Variants in CD99 observed in about 807,000 individuals in gnomAD.
CD99 encodes CD99 molecule (Xg blood group).
A neutral mutation model predicts 28.4 loss-of-function variants in CD99; 19 were observed. The ratio of observed to expected loss-of-function variants is 0.67; its 90% CI spans 0.47 to 0.98. The LOEUF is 0.98. CD99 is among the 50% of genes least tolerant of loss of function. The pLI is 0.00. For synonymous variants in CD99, 103 were observed against 92.1 expected (o/e 1.12, Z -0.67); for missense variants, 283 against 248.8 (o/e 1.14, Z -0.92).
chrX:2,720,431 G>C lies in CD99; in HGVS notation c.262+7G>C. 6.2e-7 allele frequency: 1 copy of C among 1,613,082 alleles called. No individual in the cohort carries two copies. Among genetic ancestry groups the C allele is most frequent in the African/African-American group, 1.3e-5 (1 of 74,962 alleles). Reference sequence around the variant, plus strand: ...AACCACCCTAGTTCCTCCGGTAAGAGTCTCTGACCCTGTGGGATGTCTTCA... The same window carrying C: ...AACCACCCTAGTTCCTCCGGTAAGACTCTCTGACCCTGTGGGATGTCTTCA... On this transcript the variant is annotated splice_region_variant and intron_variant, in intron 5 of 9. Coordinates refer to ENST00000381192, the MANE Select transcript of CD99 (RefSeq NM_002414.5).
intron 8 of CD99, among the ~76,000 whole-genome samples, chrX:2,729,115 C>T (rs1279313540): frequency 3.9e-5 from 6 of 152,108 alleles, no homozygotes; most frequent in South Asian, 4.1e-4. Flanking sequence ...GGATTATAGG[C>T]GTGAGTCAAA....
intron 5 of CD99, among the ~76,000 whole-genome samples, chrX:2,722,044 T>C (rs1569442384): frequency 2.0e-5 from 3 of 152,246 alleles, no homozygotes; most frequent in East Asian, 3.9e-4. Context: ...CCATCTCCAA[T>C]ATTAGTTATC....
chrX:2,711,902 A>G (rs1472274703), intron 1 of CD99, among the ~76,000 whole-genome samples: 1 of 152,010 alleles, frequency 6.6e-6, no homozygotes, highest in African/African-American at 2.4e-5. Context: ...TTAGCTGGGC[A>G]TGATGGGCGG....
chrX:2,713,864 C>G (rs1214626244), intron 1 of CD99, among the ~76,000 whole-genome samples: 1 of 152,174 alleles, frequency 6.6e-6, no homozygotes, highest in East Asian at 1.9e-4. Context: ...AGATGGCCAG[C>G]CACGTTGAAG....
chrX:2,707,355 A>T (rs1438739259), intron 1 of CD99, among the ~76,000 whole-genome samples: 1 of 152,014 alleles, frequency 6.6e-6, no homozygotes, highest in East Asian at 1.9e-4. Context: ...AAAAGAAAAA[A>T]ACAGCAAAAA....
intron 5 of CD99, among the ~76,000 whole-genome samples, chrX:2,722,285 A>G (rs186099732): frequency 6.6e-6 from 1 of 152,272 alleles, no homozygotes; most frequent in African/African-American, 2.4e-5. Flanking sequence ...AGCATGCAAT[A>G]TTATGCTCAC....
At chrX:2,728,207 T>C (rs1265510080) in intron 8 of CD99, among the ~76,000 whole-genome samples, 27 of 143,984 alleles carry the variant, frequency 1.9e-4, no homozygotes, top group Admixed American at 7.6e-4. Flanking sequence ...TTTCTTTTTT[T>C]TTTTTTTTTT....
intron 8 of CD99, among the ~76,000 whole-genome samples, chrX:2,729,862 A>T (rs1215672630): frequency 6.6e-6 from 1 of 152,166 alleles, no homozygotes; most frequent in Non-Finnish European, 1.5e-5. Context: ...CAAGAACAAA[A>T]GCAAATATGT....
chrX:2,726,393 T>G lies in CD99; in HGVS notation c.475+20T>G, dbSNP rs761669438. On this transcript the variant is annotated intron_variant, in intron 8 of 9. Coordinates refer to ENST00000381192, the MANE Select transcript of CD99 (RefSeq NM_002414.5). The stretch of plus-strand genomic sequence containing the variant: ...AAAATGGTAAGTCTCAGTCCGCCGG[T>G]GCCTCTCCTTCATGCCTTGCTGATT... 3.5e-6 allele frequency: 5 copies of G among 1,436,508 alleles called. No homozygotes were observed. In the Admixed American group the frequency reaches 8.4e-5, roughly 24 times the overall value. The allele number at this position is 1,436,508 out of a possible 1,614,324, so 89.0% of individuals were successfully genotyped here.
chrX:2,713,764 C>T (rs1311726569), intron 1 of CD99, among the ~76,000 whole-genome samples: 3 of 152,124 alleles, frequency 2.0e-5, no homozygotes, highest in Admixed American at 6.6e-5. Flanking sequence ...TGGATGTTGA[C>T]GATTATCCTA....
intron 1 of CD99, among the ~76,000 whole-genome samples, chrX:2,696,393 C>CTTTCT (rs202118683): frequency 2.6e-4 from 40 of 152,018 alleles, no homozygotes; most frequent in African/African-American, 9.7e-4. Context: ...TGCTGATATT[C>CTTTCT]TTTCTTTTCT....
chrX:2,728,353 G>T (rs774071955), intron 8 of CD99, among the ~76,000 whole-genome samples: 1 of 151,780 alleles, frequency 6.6e-6, no homozygotes, highest in South Asian at 2.1e-4. Flanking sequence ...GCACCACCAC[G>T]CACAGCTAAT....
At chrX:2,729,924 A>G in intron 8 of CD99, among the ~76,000 whole-genome samples, 1 of 152,240 alleles carries the variant, frequency 6.6e-6, no homozygotes, top group South Asian at 2.1e-4. Flanking sequence ...AGTCCAAGGA[A>G]AGAGGATTGC....
At chrX:2,700,872 TC>T (rs1569426896) in intron 1 of CD99, among the ~76,000 whole-genome samples, 1 of 151,440 alleles carries the variant, frequency 6.6e-6, no homozygotes, top group Non-Finnish European at 1.5e-5. Context: ...CATTCATCTA[TC>T]CATCCATCCA....
chrX:2,731,757 C>T (rs2049620404), intron 8 of CD99, among the ~76,000 whole-genome samples: 1 of 152,042 alleles, frequency 6.6e-6, no homozygotes, highest in Non-Finnish European at 1.5e-5. Context: ...GAGTCTTCGG[C>T]ATCTTTCCAA....
chrX:2,730,945 A>G (rs1569448058), intron 8 of CD99, among the ~76,000 whole-genome samples: 3 of 151,622 alleles, frequency 2.0e-5, no homozygotes, highest in Non-Finnish European at 4.4e-5. Flanking sequence ...AAAAAAAAAA[A>G]AAAGAGAAAG....
rs2048792683 is a variant in CD99 at position 2,717,625 on chromosome X, A to T, written c.121A>T (p.Thr41Ser). 6.2e-7 allele frequency: 1 copy of T among 1,613,650 alleles called. No homozygotes were observed. ...ALPDNENKKP[T>S]AIPKKPSAGD... is the part of the protein sequence containing the mutation. ...TTTAGACAATGAAAACAAGAAACCC[A>T]CTGCAATCCCCAAGAAACCCAGTGC... The change falls in exon 3 of 10, where the codon ACT (threonine) becomes TCT (serine). Residue 41 changes from threonine to serine, a missense_variant. Thr to Ser is a moderately conservative substitution (Grantham distance 58). Transcript: ENST00000381192.
At chrX:2,733,246 C>G in intron 8 of CD99, 1 of 1,193,108 alleles carries the variant, frequency 8.4e-7, no homozygotes, top group East Asian at 2.5e-5. Flanking sequence ...CAGAGCAGCT[C>G]TTTCTAACAC....
intron 1 of CD99, among the ~76,000 whole-genome samples, chrX:2,713,135 C>T (rs1603274444): frequency 1.6e-5 from 1 of 62,704 alleles, no homozygotes; most frequent in Non-Finnish European, 2.8e-5. Flanking sequence ...TACACATACA[C>T]ACACAAACCC....
Sources: gnomAD v4.1 joint callset for allele counts (sites outside exome capture counted in the v4.1 genomes callset) on GRCh38, gnomAD v4.1.1 for gene constraint, MANE v1.5 for transcripts, NCBI Gene and HGNC (gene_info 2026-07-23, HGNC 2026-07-21) for gene names.